The following MCM4 variants were observed in gnomAD, a reference collection of about 807,000 sequenced individuals.
MCM4 encodes the protein minichromosome maintenance complex component 4.
A neutral mutation model predicts 88.7 loss-of-function variants in MCM4; 60 were observed. The observed-to-expected ratio is 0.68, with a 90% CI of 0.55 to 0.84. The LOEUF (loss-of-function observed/expected upper bound fraction) is 0.84, where lower values mean the gene tolerates loss of function less well. Among genes scored for constraint, MCM4 ranks in the 40% least tolerant of loss-of-function variants. The pLI, the probability that MCM4 is intolerant of heterozygous loss-of-function variation, is 0.00. For synonymous variants in MCM4, 465 were observed against 410.5 expected (o/e 1.13, Z -1.61); for missense variants, 1,149 against 1,105.5 (o/e 1.04, Z -0.56).
At chr8:47,964,204 C>G (rs1040230608) in intron 7 of MCM4, among the ~76,000 whole-genome samples, 1 of 152,126 alleles carries the variant, frequency 6.6e-6, no homozygotes, top group Non-Finnish European at 1.5e-5. Flanking sequence ...GCCTGGGCAA[C>G]AAGAGTGAAA....
Position 47,978,118 on chromosome 8 carries a change from C to T in MCM4, c.*1340C>T, listed in dbSNP as rs989243772. 1 of 152,168 alleles carries T rather than the reference C, an allele frequency of 6.6e-6. No homozygotes were observed. Among genetic ancestry groups the T allele is most frequent in the Admixed American group, 6.6e-5 (1 of 15,258 alleles). The allele number at this position is 152,168 out of a possible 1,614,324, so 9.4% of individuals were successfully genotyped here. A position where few individuals can be genotyped will look rare whatever the true frequency, so the allele number is the denominator to read the frequency against. On this transcript the variant is annotated 3_prime_UTR_variant, in exon 17 of 17. Transcript: ENST00000649973. Reference sequence around the variant, plus strand: ...AAAATGACCATAGGCTAAAATCTTACGTGTAAGTACTACTACAATAAATAA... The same window carrying T: ...AAAATGACCATAGGCTAAAATCTTATGTGTAAGTACTACTACAATAAATAA...
At position 47,978,019 on chromosome 8, in the gene MCM4, G is replaced by A. The variant is rs895824296; in HGVS notation, c.*1241G>A. 4.5e-4 allele frequency: 68 copies of A among 152,062 alleles called. No individual in the cohort carries two copies. Among genetic ancestry groups the A allele is most frequent in the African/African-American group, 1.6e-3 (65 of 41,406 alleles). The allele number at this position is 152,062 out of a possible 1,614,324, so 9.4% of individuals were successfully genotyped here. On this transcript the variant is annotated 3_prime_UTR_variant, in exon 17 of 17. Transcript: ENST00000649973. ...ATTTGTAGGGGTAAGTATTTTATAG[G>A]TCATAAAAAACACCATAATATAACG... is the stretch of plus-strand genomic sequence containing the variant.
Position 47,963,004 on chromosome 8 carries a change from C to T in MCM4, c.657C>T (p.Asp219=), listed in dbSNP as rs773939171. The T allele has an allele frequency of 6.2e-7, 1 of 1,606,400 alleles. No homozygotes were observed. The highest frequency in any genetic ancestry group is 8.5e-7 in the Non-Finnish European group (1 of 1,177,126). ...NVNCEHIKSF[D]KNLYRQLISY... is the part of the protein sequence containing the mutation. ...ACTGTGAACACATCAAATCATTTGACAAAAATTTGTACAGACAACTCATCT... is the reference window on the plus strand; with the variant it reads ...ACTGTGAACACATCAAATCATTTGATAAAAATTTGTACAGACAACTCATCT... The change falls in exon 7 of 17, where the codon GAC becomes GAT. Residue 219 remains aspartate, a synonymous_variant. Transcript: ENST00000649973.
At chr8:47,962,262 G>A in intron 4 of MCM4, 43 bp from the exon 5 acceptor site, 1 of 1,613,976 alleles carries the variant, frequency 6.2e-7, no homozygotes, top group Non-Finnish European at 8.5e-7. Context: ...GGTATCATGT[G>A]GGTAACTCTG....
At chr8:47,970,110 A>G in intron 11 of MCM4, 53 bp downstream of exon 11, 2 of 1,587,952 alleles carry the variant, frequency 1.3e-6, no homozygotes, top group Non-Finnish European at 1.7e-6. Flanking sequence ...TTGGGATCAA[A>G]TAGTATAAAC....
chr8:47,961,322 C>T (rs2090828109), intron 2 of MCM4, 108 bp downstream of exon 2: 2 of 1,444,870 alleles, frequency 1.4e-6, no homozygotes, highest in Non-Finnish European at 9.0e-7. Context: ...CGCTCAGCCT[C>T]GGGCTGGGCG....
At chr8:47,966,837 A>G (rs1365635962) in intron 9 of MCM4, among the ~76,000 whole-genome samples, 3 of 152,234 alleles carry the variant, frequency 2.0e-5, no homozygotes, top group Non-Finnish European at 4.4e-5. Flanking sequence ...ATGACAGAAA[A>G]AAGTGAGGGG....
intron 8 of MCM4, 78 bp from the exon 9 acceptor site, chr8:47,966,109 C>T (rs770673439): frequency 1.4e-5 from 17 of 1,213,232 alleles, no homozygotes; most frequent in Non-Finnish European, 2.0e-5. Flanking sequence ...GGGCACCTAG[C>T]TCCTGTCTGT....
intron 14 of MCM4, 94 bp from the exon 15 acceptor site, chr8:47,974,640 C>T (rs1190636068): frequency 5.3e-6 from 5 of 944,808 alleles, no homozygotes; most frequent in Non-Finnish European, 8.4e-6. Context: ...GTTCCGTTTA[C>T]TTAATGGAAG....
chr8:47,967,739 C>G (rs1361877709), intron 10 of MCM4, among the ~76,000 whole-genome samples: 1 of 152,174 alleles, frequency 6.6e-6, no homozygotes, highest in Non-Finnish European at 1.5e-5. Flanking sequence ...TCACTCGCCT[C>G]TTGATACCTC....
At chr8:47,961,052 C>T in intron 1 of MCM4, 38 bp downstream of exon 1, 1 of 1,347,974 alleles carries the variant, frequency 7.4e-7, no homozygotes, top group Admixed American at 3.0e-5. Flanking sequence ...GGCGCGGAGC[C>T]GACGGGAACG....
rs978195033 is a variant in MCM4 at position 47,977,232 on chromosome 8, C to T, written c.*454C>T. The T allele has an allele frequency of 7.1e-6, 1 of 141,180 alleles. No homozygotes were observed. The highest frequency in any genetic ancestry group is 7.6e-5 in the Admixed American group (1 of 13,088). 8.7% of individuals were successfully genotyped at this position (141,180 alleles called of 1,614,324 possible). ...AGTGAGCCAAGATCGCGCCACTGCA[C>T]TCCAGCCTCAGCAATAGAGTGAGAC... On this transcript the variant is annotated 3_prime_UTR_variant, in exon 17 of 17. Coordinates refer to ENST00000649973, the MANE Select transcript of MCM4 (RefSeq NM_182746.3).
intron 7 of MCM4, 96 bp from the exon 8 acceptor site, chr8:47,964,478 C>A: frequency 1.1e-6 from 1 of 894,252 alleles, no homozygotes; most frequent in Non-Finnish European, 1.7e-6. Flanking sequence ...GGGGACATGA[C>A]ATGTTGTCTT....
chr8:47,963,264 G>A (rs1005541422), intron 7 of MCM4, among the ~76,000 whole-genome samples: 5 of 152,094 alleles, frequency 3.3e-5, no homozygotes, highest in African/African-American at 1.2e-4. Context: ...ACCAGCCTGG[G>A]CAACAAAGTG....
chr8:47,960,971 C>T lies in MCM4; in HGVS notation c.-58C>T, dbSNP rs939751429. On this transcript the variant is annotated 5_prime_UTR_variant, in exon 1 of 17. Coordinates refer to ENST00000649973, the MANE Select transcript of MCM4 (RefSeq NM_182746.3). ...TTGGGAGCGCTACTCGCCAGGTGGA[C>T]TCGGAGTCCGCGAGCGTCGTCGGCA... The T allele has an allele frequency of 8.7e-5, 54 of 622,598 alleles. No individual in the cohort carries two copies. The African/African-American group carries it at 9.0e-4, about 10-fold the overall frequency. 38.6% of individuals were successfully genotyped at this position (622,598 alleles called of 1,614,324 possible). A position where few individuals can be genotyped will look rare whatever the true frequency, so the allele number is the denominator to read the frequency against.
chr8:47,968,056 C>T (rs867938623), intron 10 of MCM4, among the ~76,000 whole-genome samples: 2 of 152,198 alleles, frequency 1.3e-5, no homozygotes, highest in Non-Finnish European at 2.9e-5. Context: ...ACCCAGGTCT[C>T]CTTCTCTTGC....
chr8:47,976,659 T>C (rs1563837137), intron 16 of MCM4, 27 bp from the exon 17 acceptor site: 1 of 1,536,264 alleles, frequency 6.5e-7, no homozygotes, highest in African/African-American at 1.4e-5. Context: ...ACGTGTACAA[T>C]ATTTATTTTC....
Position 47,962,320 on chromosome 8 carries a change from A to G in MCM4, c.415A>G (p.Ile139Val). Residue 139 changes from isoleucine (I) to valine (V), a missense_variant, in exon 5 of 17, where the codon ATA (isoleucine) becomes GTA (valine). By Grantham distance (29) the Ile-to-Val change is conservative. Around this residue, in one of 3 missense-constraint regions of MCM4, gnomAD observed 906 missense variants for 843.0 expected, o/e 1.07. Transcript: ENST00000649973. ...LQSDGAAAED[I>V]VASEQSLGQK... ...TTCTGTGTAGGCAGCAGCAGAAGAT[A>G]TAGTGGCAAGTGAGCAGTCTCTAGG... 2.5e-6 allele frequency: 4 copies of G among 1,614,222 alleles called. No homozygotes were observed. Among genetic ancestry groups the G allele is most frequent in the Middle Eastern group, 1.6e-4 (1 of 6,062 alleles).
At chr8:47,973,200 T>G in intron 14 of MCM4, 136 bp downstream of exon 14, 1 of 857,508 alleles carries the variant, frequency 1.2e-6, no homozygotes. Flanking sequence ...AGACAGAGCC[T>G]GGCTCTCTTG....
Sources: gnomAD v4.1 joint callset for allele counts (sites outside exome capture counted in the v4.1 genomes callset) on GRCh38, gnomAD v4.1.1 for gene constraint, gnomAD v4.1.1 regional missense constraint, MANE v1.5 for transcripts, NCBI Gene and HGNC (gene_info 2026-07-23, HGNC 2026-07-21) for gene names.